Variants in NDRG1 observed in about 807,000 individuals in gnomAD.
The protein encoded by NDRG1 is protein NDRG1.
A neutral mutation model predicts 56.9 loss-of-function variants in NDRG1; 32 were observed. The ratio of observed to expected loss-of-function variants is 0.56; its 90% CI spans 0.42 to 0.76. The LOEUF (loss-of-function observed/expected upper bound fraction) is 0.76, where lower values mean the gene tolerates loss of function less well. NDRG1 is among the 30% of genes least tolerant of loss of function. NDRG1 has a pLI of 0.00. For missense variants in NDRG1, 507 were observed against 545.7 expected (o/e 0.93, Z 0.71); for synonymous variants, 211 against 204.1 (o/e 1.03, Z -0.29).
rs1856820479 is a variant in NDRG1 at position 133,264,582 on chromosome 8, G to A, written c.170C>T (p.Pro57Leu). Residue 57 changes from proline to leucine, a missense_variant, in exon 4 of 16, where the codon CCT becomes CTT. Pro to Leu is a moderately conservative substitution (Grantham distance 98, BLOSUM62 -3). Coordinates refer to ENST00000323851, the MANE Select transcript of NDRG1 (RefSeq NM_006096.4). ...TLCGTPKGNRPVILTYHDIGM... is the reference protein window; with the variant it reads ...TLCGTPKGNRLVILTYHDIGM... ...GATGTCATGGTAGGTGAGGATGACA[G>A]GCCGGTTTCCCTTGGGAGTCCCACA... is the stretch of plus-strand genomic sequence containing the variant. The A allele has an allele frequency of 1.9e-6, 3 of 1,614,128 alleles. No individual in the cohort carries two copies. The South Asian group carries it at 3.3e-5, about 18-fold the overall frequency.
At chr8:133,240,217 C>T (rs1341703149) in intron 15 of NDRG1, 2 of 152,114 alleles carry the variant, frequency 1.3e-5, no homozygotes, top group South Asian at 2.1e-4. Flanking sequence ...AGATTTGTTA[C>T]GGCAGCTTTA....
At chr8:133,248,680 G>A (rs374086579) in intron 11 of NDRG1, 35 bp downstream of exon 11, 31 of 1,612,930 alleles carry the variant, frequency 1.9e-5, no homozygotes, top group Non-Finnish European at 2.3e-5. Flanking sequence ...GGGCAGCCCC[G>A]ACTGCAAGTG....
chr8:133,261,026 T>G lies in NDRG1; in HGVS notation c.326+1021A>C, dbSNP rs527278749. 1.6e-3 allele frequency among the ~76,000 whole-genome samples: 238 copies of G among 152,260 alleles called. 3 individuals are homozygous for G. Among genetic ancestry groups the G allele is most frequent in the Non-Finnish European group, 2.3e-3 (154 of 68,016 alleles). ...GCCAGGCAGTGCAAATACTCTCAACTAAGGCAGCCTGATGTTCCAAAGAGG... is the reference window on the plus strand; with the variant it reads ...GCCAGGCAGTGCAAATACTCTCAACGAAGGCAGCCTGATGTTCCAAAGAGG... On this transcript the variant is annotated intron_variant, in intron 5 of 15. Coordinates refer to ENST00000323851, the MANE Select transcript of NDRG1 (RefSeq NM_006096.4).
chr8:133,278,887 CTTTTTTT>C (rs34187643), intron 3 of NDRG1, among the ~76,000 whole-genome samples: 2,466 of 125,600 alleles, frequency 0.02, 71 homozygotes, highest in African/African-American at 0.071. Flanking sequence ...CTCTCTTCTT[CTTTTTTT>C]TTTTTTTTTT....
At chr8:133,270,418 A>G (rs2130761172) in intron 3 of NDRG1, among the ~76,000 whole-genome samples, 1 of 152,328 alleles carries the variant, frequency 6.6e-6, no homozygotes. Context: ...ACTAAGCAGC[A>G]AAGTGCCTGA....
chr8:133,248,918 C>G (rs1389903302), intron 10 of NDRG1, 147 bp from the exon 11 acceptor site: 1 of 792,808 alleles, frequency 1.3e-6, no homozygotes, highest in Non-Finnish European at 2.1e-6. Flanking sequence ...CTGTGGCTTT[C>G]AGGACTCCAC....
chr8:133,241,788 C>G (rs1855396324), intron 15 of NDRG1: 1 of 599,484 alleles, frequency 1.7e-6, no homozygotes, highest in East Asian at 2.8e-5. Context: ...CCCCAAAATC[C>G]CTGGTGTGAA....
chr8:133,239,530 G>T, intron 15 of NDRG1: 1 of 274,878 alleles, frequency 3.6e-6, no homozygotes, highest in Non-Finnish European at 7.2e-6. Flanking sequence ...GGAGCAGGGA[G>T]GACACCTGGG....
At chr8:133,280,329 G>A (rs928764588) in intron 2 of NDRG1, 62 bp from the exon 3 acceptor site, 6 of 1,523,334 alleles carry the variant, frequency 3.9e-6, no homozygotes, top group African/African-American at 2.8e-5. Context: ...AAATAATATT[G>A]GGACATATGG....
intron 9 of NDRG1, among the ~76,000 whole-genome samples, chr8:133,252,564 C>T (rs975341994): frequency 4.4e-4 from 57 of 129,998 alleles, no homozygotes; most frequent in African/African-American, 1.5e-3. Flanking sequence ...CCCTGGTACA[C>T]TCGCCAACTC....
chr8:133,256,803 C>CTCCACACA lies in NDRG1; in HGVS notation c.510_511insTGTGTGGA (p.Gly171CysfsTer49). 1 of 1,614,218 alleles carries CTCCACACA rather than the reference C, an allele frequency of 6.2e-7. No individual in the cohort carries two copies. The highest frequency in any genetic ancestry group is 8.5e-7 in the Non-Finnish European group (1 of 1,180,042). ...TTGGAGGCGGCCCAGTCCATCCAGC[C>CTCCACACA]TTCCGCACAAGGGTTCACGTTGATA... is the stretch of plus-strand genomic sequence containing the variant. On this transcript the variant is annotated frameshift_variant, in exon 8 of 16. Transcript: ENST00000323851. LOFTEE classifies it high-confidence loss of function.
chr8:133,279,529 C>G (rs1857660329), intron 3 of NDRG1, among the ~76,000 whole-genome samples: 1 of 152,232 alleles, frequency 6.6e-6, no homozygotes, highest in Non-Finnish European at 1.5e-5. Context: ...CAGGTGAGAA[C>G]ACCTCAGCCA....
rs114305136 is a variant in NDRG1 at position 133,285,903 on chromosome 8, T to C, written c.-18-1574A>G. ...CAGCAGGTTCGTGGTCCCAAGACCC[T>C]GGCCTGTGGGACACCTCGCCTACAT... On this transcript the variant is annotated intron_variant, in intron 1 of 15. Transcript: ENST00000323851. 4.8e-3 allele frequency among the ~76,000 whole-genome samples: 725 copies of C among 152,350 alleles called. 9 individuals carry two copies. Among genetic ancestry groups the C allele is most frequent in the African/African-American group, 0.017 (691 of 41,590 alleles).
chr8:133,273,121 G>A (rs1349216384), intron 3 of NDRG1, among the ~76,000 whole-genome samples: 1 of 151,862 alleles, frequency 6.6e-6, no homozygotes, highest in Non-Finnish European at 1.5e-5. Context: ...CCACACGGAG[G>A]CCCTGTGGGT....
chr8:133,262,054 G>A lies in NDRG1; in HGVS notation c.319C>T (p.Pro107Ser), dbSNP rs1856684767. Residue 107 changes from proline (P) to serine (S), a missense_variant, in exon 5 of 16, where the codon CCC becomes TCC. Physicochemically the swap from Pro to Ser is moderately conservative, Grantham distance 74. Transcript: ENST00000323851. ...GGGCAAGAGGCCTCTCACCCTGCGG[G>A]GAAGGAGGCTGCGCCGTCCTGCTGG... ...PGQQDGAASF[P>S]AGYMYPSMDQ... 6.2e-7 allele frequency: 1 copy of A among 1,612,036 alleles called. No homozygotes were observed. The highest frequency in any genetic ancestry group is 1.3e-5 in the African/African-American group (1 of 74,958).
At chr8:133,267,221 C>G (rs1486163983) in intron 3 of NDRG1, among the ~76,000 whole-genome samples, 1 of 152,170 alleles carries the variant, frequency 6.6e-6, no homozygotes, top group African/African-American at 2.4e-5. Context: ...GACTCTTTCT[C>G]AATTGCCACT....
At position 133,244,388 on chromosome 8, in the gene NDRG1, C is replaced by A; in HGVS notation, c.858G>T (p.Met286Ile). The A allele has an allele frequency of 6.2e-7, 1 of 1,614,234 alleles. No individual in the cohort carries two copies. Among genetic ancestry groups the A allele is most frequent in the Non-Finnish European group, 8.5e-7 (1 of 1,180,042 alleles). Residue 286 changes from methionine (M) to isoleucine (I), a missense_variant and splice_region_variant, in exon 14 of 16, where the codon ATG (methionine) becomes ATT (isoleucine). Met to Ile is a conservative substitution (Grantham distance 10, BLOSUM62 1). Coordinates refer to ENST00000323851, the MANE Select transcript of NDRG1 (RefSeq NM_006096.4). Reference sequence around the variant, plus strand: ...TCTGCGGGAGGCCGCCACAGTCCGCCATCTAGGAGAGAGGGAAGCTCGTTA... The same window carrying A: ...TCTGCGGGAGGCCGCCACAGTCCGCAATCTAGGAGAGAGGGAAGCTCGTTA... ...LDPTKTTLLK[M>I]ADCGGLPQIS...
chr8:133,279,756 C>A (rs1420298911), intron 3 of NDRG1, among the ~76,000 whole-genome samples: 1 of 152,246 alleles, frequency 6.6e-6, no homozygotes, highest in East Asian at 1.9e-4. Flanking sequence ...AGAGCCTATT[C>A]TTGGACACAG....
chr8:133,255,506 C>A, intron 8 of NDRG1: 1 of 399,530 alleles, frequency 2.5e-6, no homozygotes, highest in Non-Finnish European at 5.1e-6. Context: ...CAGTGGTCGA[C>A]ATCCCCAGAC....
Sources: allele counts gnomAD v4.1 joint callset (sites outside exome capture counted in the v4.1 genomes callset), GRCh38; gene constraint gnomAD v4.1.1; transcripts MANE v1.5; gene names NCBI Gene and HGNC (gene_info 2026-07-23, HGNC 2026-07-21).